The following IL1RAP variants were observed in gnomAD, a reference collection of about 807,000 sequenced individuals.
The protein encoded by IL1RAP is interleukin 1 receptor accessory protein.
A neutral mutation model predicts 60.7 loss-of-function variants in IL1RAP; 35 were observed. The ratio of observed to expected loss-of-function variants is 0.58; its 90% CI spans 0.44 to 0.76. IL1RAP has a LOEUF of 0.76. IL1RAP is among the 30% of genes least tolerant of loss of function. IL1RAP has a pLI of 0.00. For missense variants in IL1RAP, 572 were observed against 693.9 expected, an observed-to-expected ratio of 0.82 and a Z score of 1.97; for synonymous variants, 268 against 250.9, an observed-to-expected ratio of 1.07 and a Z score of -0.64.
intron 7 of IL1RAP, 23 bp from the exon 8 acceptor site, chr3:190,627,300 G>GT: frequency 1.4e-6 from 2 of 1,443,124 alleles, no homozygotes; most frequent in South Asian, 1.3e-5. Flanking sequence ...TGTTTTTTTT[G>GT]TTTTTTTGGT....
intron 1 of IL1RAP, among the ~76,000 whole-genome samples, chr3:190,514,796 C>T (rs977825751): frequency 6.6e-6 from 1 of 152,142 alleles, no homozygotes; most frequent in African/African-American, 2.4e-5. Context: ...GAGGCCCGGG[C>T]GCCAGTGACC....
At chr3:190,578,840 G>T (rs1658790718) in intron 3 of IL1RAP, among the ~76,000 whole-genome samples, 1 of 152,170 alleles carries the variant, frequency 6.6e-6, no homozygotes, top group African/African-American at 2.4e-5. Context: ...CAGGGGAACT[G>T]CCCTTTATAA....
rs189930646 is a variant in IL1RAP at position 190,556,376 on chromosome 3, T to A, written c.-2+160T>A. Among the ~76,000 whole-genome samples, 233 of 151,736 alleles carry A rather than the reference T, an allele frequency of 1.5e-3. 1 individual carries two copies. The highest frequency in any genetic ancestry group is 8.1e-3 in the East Asian group (42 of 5,182). On this transcript the variant is annotated intron_variant, in intron 2 of 11. Coordinates refer to ENST00000447382, the MANE Select transcript of IL1RAP (RefSeq NM_002182.4). ...TAATTGTCATAATATATAGCATTTTTTATATATATATATGTATGTATACAC... is the reference window on the plus strand; with the variant it reads ...TAATTGTCATAATATATAGCATTTTATATATATATATATGTATGTATACAC...
intron 3 of IL1RAP, among the ~76,000 whole-genome samples, chr3:190,603,155 T>C (rs1730006822): frequency 6.6e-6 from 1 of 152,130 alleles, no homozygotes; most frequent in Non-Finnish European, 1.5e-5. Context: ...ATTGGAAAAC[T>C]CACAGTTTCA....
At chr3:190,642,971 T>C (rs748609574) in intron 9 of IL1RAP, among the ~76,000 whole-genome samples, 8 of 152,190 alleles carry the variant, frequency 5.3e-5, no homozygotes, top group Non-Finnish European at 1.2e-4. Flanking sequence ...TTGTGAAACA[T>C]AATTTAGTAA....
chr3:190,644,089 T>C, intron 9 of IL1RAP, 159 bp from the exon 10 acceptor site: 1 of 978,918 alleles, frequency 1.0e-6, no homozygotes, highest in Middle Eastern at 5.2e-4. Context: ...CAGTCTAGTA[T>C]TTTAAAATAG....
intron 1 of IL1RAP, among the ~76,000 whole-genome samples, chr3:190,528,786 G>T (rs1364168733): frequency 3.3e-5 from 5 of 152,158 alleles, no homozygotes; most frequent in African/African-American, 9.7e-5. Flanking sequence ...AACTCAGGAA[G>T]GGCTTTATAA....
At chr3:190,526,758 C>T (rs929994313) in intron 1 of IL1RAP, among the ~76,000 whole-genome samples, 1 of 152,194 alleles carries the variant, frequency 6.6e-6, no homozygotes, top group African/African-American at 2.4e-5. Context: ...AAATAACCTC[C>T]TCAAACATGA....
chr3:190,544,643 A>G (rs1724217988), intron 1 of IL1RAP, among the ~76,000 whole-genome samples: 1 of 152,122 alleles, frequency 6.6e-6, no homozygotes, highest in South Asian at 2.1e-4. Flanking sequence ...TGTTTTTCTG[A>G]AAGAACTTCA....
chr3:190,643,517 G>A (rs145295222), intron 9 of IL1RAP, among the ~76,000 whole-genome samples: 182 of 146,376 alleles, frequency 1.2e-3, no homozygotes, highest in African/African-American at 4.8e-3. Flanking sequence ...CAAAGAAACT[G>A]CAAAGGTGCC....
intron 3 of IL1RAP, among the ~76,000 whole-genome samples, chr3:190,591,236 C>T (rs1001314492): frequency 2.0e-5 from 3 of 152,194 alleles, no homozygotes; most frequent in African/African-American, 7.2e-5. Context: ...CCAGTGTTGC[C>T]TCATTTAATC....
chr3:190,629,589 C>A, intron 9 of IL1RAP, 91 bp downstream of exon 9: 1 of 1,487,032 alleles, frequency 6.7e-7, no homozygotes, highest in Non-Finnish European at 8.9e-7. Context: ...CAAGAGAGCT[C>A]CAGCACCTAG....
intron 1 of IL1RAP, among the ~76,000 whole-genome samples, chr3:190,522,603 T>C (rs1722182694): frequency 6.6e-6 from 1 of 151,972 alleles, no homozygotes; most frequent in Non-Finnish European, 1.5e-5. Flanking sequence ...CCTCTCTCAT[T>C]TGATGAATCT....
At chr3:190,626,448 A>C (rs879739251) in intron 7 of IL1RAP, among the ~76,000 whole-genome samples, 4 of 151,986 alleles carry the variant, frequency 2.6e-5, no homozygotes, top group African/African-American at 4.8e-5. Context: ...TTCTATTTTT[A>C]AGTTATCTTA....
intron 8 of IL1RAP, 64 bp from the exon 9 acceptor site, chr3:190,629,286 C>G (rs1385410352): frequency 8.1e-7 from 1 of 1,237,140 alleles, no homozygotes; most frequent in East Asian, 2.4e-5. Context: ...TTGTCTGATT[C>G]CTACACAGTC....
chr3:190,616,390 G>T (rs1731271140), intron 5 of IL1RAP, among the ~76,000 whole-genome samples: 1 of 150,980 alleles, frequency 6.6e-6, no homozygotes, highest in South Asian at 2.1e-4. Context: ...AGCCTGCCCT[G>T]TAAAATTCCA....
At chr3:190,562,672 C>T (rs572198221) in intron 2 of IL1RAP, among the ~76,000 whole-genome samples, 5 of 148,450 alleles carry the variant, frequency 3.4e-5, no homozygotes, top group Admixed American at 2.7e-4. Context: ...ACATTGCTTG[C>T]CTGTATCAAA....
intron 1 of IL1RAP, among the ~76,000 whole-genome samples, chr3:190,523,445 T>C (rs1722252782): frequency 6.6e-6 from 1 of 152,132 alleles, no homozygotes; most frequent in Non-Finnish European, 1.5e-5. Flanking sequence ...TGGGGATTTG[T>C]TATACAGATT....
intron 1 of IL1RAP, among the ~76,000 whole-genome samples, chr3:190,536,539 T>C (rs1723474456): frequency 6.6e-6 from 1 of 152,208 alleles, no homozygotes; most frequent in East Asian, 1.9e-4. Flanking sequence ...TAATGATTTT[T>C]AAGTAATCCT....
Sources: allele counts gnomAD v4.1 joint callset (sites outside exome capture counted in the v4.1 genomes callset), GRCh38; gene constraint gnomAD v4.1.1; transcripts MANE v1.5; gene names NCBI Gene and HGNC (gene_info 2026-07-23, HGNC 2026-07-21).